The following ARHGEF10L variants were observed in gnomAD, a reference collection of about 807,000 sequenced individuals.
ARHGEF10L encodes the protein rho guanine nucleotide exchange factor 10-like protein.
A neutral mutation model predicts 141.2 loss-of-function variants in ARHGEF10L; 69 were observed. The ratio of observed to expected loss-of-function variants is 0.49; its 90% CI spans 0.40 to 0.60. The LOEUF (loss-of-function observed/expected upper bound fraction) is 0.60. Among genes scored for constraint, ARHGEF10L ranks in the 20% least tolerant of loss-of-function variants. The pLI is 0.00. For missense variants in ARHGEF10L, 1,482 were observed against 1,734.3 expected (o/e 0.85, Z 2.58); for synonymous variants, 711 against 718.5 (o/e 0.99, Z 0.17).
intron 22 of ARHGEF10L, among the ~76,000 whole-genome samples, chr1:17,651,346 C>T (rs1343757467): frequency 1.3e-5 from 2 of 152,194 alleles, no homozygotes; most frequent in Non-Finnish European, 2.9e-5. Context: ...TACCTGTGGG[C>T]CCTGGGGCCT....
At chr1:17,666,772 T>C (rs1171676684) in intron 26 of ARHGEF10L, among the ~76,000 whole-genome samples, 1 of 150,164 alleles carries the variant, frequency 6.7e-6, no homozygotes, top group East Asian at 2.0e-4. Context: ...TGGTTCATGC[T>C]GGGGGCTTCC....
rs373825861 is a variant in ARHGEF10L, at chr1:17,602,123, G to T, written c.258-4G>T. 3.3e-5 allele frequency: 51 copies of T among 1,559,488 alleles called. No homozygotes were observed. In the African/African-American group the frequency reaches 5.4e-4, roughly 17 times the overall value. On this transcript the variant is annotated splice_region_variant and splice_polypyrimidine_tract_variant and intron_variant, in intron 4 of 28. Coordinates refer to ENST00000361221, the MANE Select transcript of ARHGEF10L (RefSeq NM_018125.4). Reference sequence around the variant, plus strand: ...ACCTCTGCAGTGCCATCTCTTGCCCGCAGGGTGCCAGCCTGGGTGAGCAAT... The same window carrying T: ...ACCTCTGCAGTGCCATCTCTTGCCCTCAGGGTGCCAGCCTGGGTGAGCAAT...
intron 21 of ARHGEF10L, among the ~76,000 whole-genome samples, chr1:17,643,548 C>G (rs1297069541): frequency 6.6e-6 from 1 of 152,196 alleles, no homozygotes; most frequent in Non-Finnish European, 1.5e-5. Context: ...GTTTGAGAGG[C>G]AGTAAGGGGT....
In ARHGEF10L at chr1:17,656,149, G is replaced by T; in HGVS notation, c.2705+47G>T. The T allele has an allele frequency of 6.5e-7, 1 of 1,535,156 alleles. No homozygotes were observed. Among genetic ancestry groups the T allele is most frequent in the Non-Finnish European group, 8.8e-7 (1 of 1,136,266 alleles). On this transcript the variant is annotated intron_variant, in intron 24 of 28. Transcript: ENST00000361221. This position sits in a 1 kb window ranked among gnomAD's most constrained non-coding sequence, Gnocchi z 4.9. Reference sequence around the variant, plus strand: ...GTGAGAGCAGCCTCTGCAGGGCTGGGCAGTGGGTGGGGGCTGTCCCTGTAG... The same window carrying T: ...GTGAGAGCAGCCTCTGCAGGGCTGGTCAGTGGGTGGGGGCTGTCCCTGTAG...
At chr1:17,604,654 C>G (rs866447734) in intron 6 of ARHGEF10L, 4 of 152,264 alleles carry the variant, frequency 2.6e-5, no homozygotes, top group African/African-American at 9.6e-5. Context: ...AACGGGGACA[C>G]CTGGGCCAAG....
chr1:17,634,742 G>T, intron 17 of ARHGEF10L, 93 bp from the exon 18 acceptor site: 1 of 1,470,320 alleles, frequency 6.8e-7, no homozygotes, highest in Non-Finnish European at 9.1e-7. Flanking sequence ...CGTGAAGCCT[G>T]GCTGAGCTGG....
At chr1:17,566,515 T>G (rs772506129) in intron 1 of ARHGEF10L, among the ~76,000 whole-genome samples, 1 of 152,246 alleles carries the variant, frequency 6.6e-6, no homozygotes, top group Non-Finnish European at 1.5e-5. Context: ...CACAAACATC[T>G]TCTGGGATGT....
Position 17,579,043 on chromosome 1 carries a change from CAG to C in ARHGEF10L, c.-43-1507_-43-1506del, listed in dbSNP as rs371225645. Among the ~76,000 whole-genome samples, 191 of 151,994 alleles carry C rather than the reference CAG, an allele frequency of 1.3e-3. 2 individuals are homozygous for C. Among genetic ancestry groups the C allele is most frequent in the African/African-American group, 4.4e-3 (183 of 41,466 alleles). ...CTTTTTTTTTTTTAATTTTTTGAGA[CAG>C]AGTCTTGCTCTGTTTCCCAGACTGG... On this transcript the variant is annotated intron_variant, in intron 1 of 28. Coordinates refer to ENST00000361221, the MANE Select transcript of ARHGEF10L (RefSeq NM_018125.4).
chr1:17,515,952 A>G, the ARHGEF10L span, among the ~76,000 whole-genome samples: 1 of 152,216 alleles, frequency 6.6e-6, no homozygotes, highest in African/African-American at 2.4e-5. Context: ...CTGCTTCTAA[A>G]TCAAAGTTGA....
intron 25 of ARHGEF10L, among the ~76,000 whole-genome samples, chr1:17,662,025 T>C (rs943929034): frequency 6.6e-6 from 1 of 152,210 alleles, no homozygotes; most frequent in African/African-American, 2.4e-5. Flanking sequence ...CGTTGTCACG[T>C]TGGTTAAGTG....
chr1:17,546,988 G>C (rs1418220534), intron 1 of ARHGEF10L, among the ~76,000 whole-genome samples: 1 of 152,202 alleles, frequency 6.6e-6, no homozygotes, highest in Non-Finnish European at 1.5e-5. Context: ...CCAAGAGTTA[G>C]AAGCACCACA....
chr1:17,517,078 A>G, the ARHGEF10L span, among the ~76,000 whole-genome samples: 1 of 152,202 alleles, frequency 6.6e-6, no homozygotes, highest in Non-Finnish European at 1.5e-5. Flanking sequence ...CCAGTCAACC[A>G]GGCATGTGTT....
Position 17,587,607 on chromosome 1 carries a change from A to G in ARHGEF10L, c.185A>G (p.Asp62Gly). The G allele has an allele frequency of 6.2e-7, 1 of 1,613,578 alleles. No individual in the cohort carries two copies. Residue 62 changes from aspartate (D) to glycine (G), a missense_variant, in exon 3 of 29, where the codon GAC (aspartate) becomes GGC (glycine). By Grantham distance (94) the Asp-to-Gly change is moderately conservative. Transcript: ENST00000361221. ...AGCCTTGCTCCTGAGAGGGACACAGACCCCCCACTGATCCACTTGGACTCC... is the reference window on the plus strand; with the variant it reads ...AGCCTTGCTCCTGAGAGGGACACAGGCCCCCCACTGATCCACTTGGACTCC... ...VPSLAPERDTDPPLIHLDSIP... is the reference protein window; with the variant it reads ...VPSLAPERDTGPPLIHLDSIP...
At chr1:17,597,058 T>C (rs1173915932) in intron 4 of ARHGEF10L, among the ~76,000 whole-genome samples, 1 of 152,094 alleles carries the variant, frequency 6.6e-6, no homozygotes, top group African/African-American at 2.4e-5. Context: ...CTGCCGGCAA[T>C]GTAGGTTGCT....
Position 17,654,461 on chromosome 1 carries a change from G to A in ARHGEF10L, c.2395-175G>A, listed in dbSNP as rs112396734. On this transcript the variant is annotated intron_variant, in intron 22 of 28. Transcript: ENST00000361221. This position sits in a 1 kb window ranked among gnomAD's most constrained non-coding sequence, Gnocchi z 4.3. Reference sequence around the variant, plus strand: ...GTTCTAGGAAAGGAAGAACAAATGTGAGCGTGTAGGAACTGCCTGGAGAAG... The same window carrying A: ...GTTCTAGGAAAGGAAGAACAAATGTAAGCGTGTAGGAACTGCCTGGAGAAG... Among the ~76,000 whole-genome samples, 1,101 of 152,302 alleles carry A rather than the reference G, an allele frequency of 7.2e-3. 13 individuals are homozygous for A. The highest frequency in any genetic ancestry group is 0.026 in the African/African-American group (1,068 of 41,556).
At chr1:17,637,370 C>T (rs2061060879) in intron 18 of ARHGEF10L, among the ~76,000 whole-genome samples, 1 of 152,222 alleles carries the variant, frequency 6.6e-6, no homozygotes, top group Admixed American at 6.5e-5. Flanking sequence ...CTTGTGGTCT[C>T]ATACAGCCCT....
intron 26 of ARHGEF10L, among the ~76,000 whole-genome samples, chr1:17,678,111 G>A (rs1392094020): frequency 1.3e-5 from 2 of 152,106 alleles, no homozygotes; most frequent in Admixed American, 1.3e-4. Flanking sequence ...CCAGGGTGGT[G>A]GGCAGGCACA....
At chr1:17,531,802 A>T in the ARHGEF10L span, among the ~76,000 whole-genome samples, 1 of 152,334 alleles carries the variant, frequency 6.6e-6, no homozygotes, top group East Asian at 1.9e-4. Context: ...GCCGGATAAG[A>T]GCCCATTGTT....
At position 17,656,094 on chromosome 1, in the gene ARHGEF10L, G is replaced by C; in HGVS notation, c.2697G>C (p.Gln899His). ...ATCCAACCATCTGCCTCGGGCTCCAGGATGGCAGGTGAGGGGCCCGGAAGG... is the reference window on the plus strand; with the variant it reads ...ATCCAACCATCTGCCTCGGGCTCCACGATGGCAGGTGAGGGGCCCGGAAGG... ...TVHPTICLGL[Q>H]DGSILLYSSV... The change falls in exon 24 of 29, where the codon CAG (glutamine) becomes CAC (histidine). Residue 899 changes from glutamine (Q) to histidine (H), a missense_variant. Physicochemically the swap from Gln to His is conservative, Grantham distance 24. This residue lies in a region of ARHGEF10L where 858 missense variants were observed against 966.3 expected (regional missense o/e 0.89). Coordinates refer to ENST00000361221, the MANE Select transcript of ARHGEF10L (RefSeq NM_018125.4). This position sits in a 1 kb window ranked among gnomAD's most constrained non-coding sequence, Gnocchi z 4.9. The C allele has an allele frequency of 1.3e-6, 2 of 1,552,032 alleles. No individual in the cohort carries two copies. Among genetic ancestry groups the C allele is most frequent in the Non-Finnish European group, 1.7e-6 (2 of 1,148,086 alleles).
Sources: allele counts gnomAD v4.1 joint callset (sites outside exome capture counted in the v4.1 genomes callset), GRCh38; gene constraint gnomAD v4.1.1; regional missense constraint gnomAD v4.1.1; non-coding constraint Gnocchi (gnomAD v3.1); transcripts MANE v1.5; gene names NCBI Gene and HGNC (gene_info 2026-07-23, HGNC 2026-07-21).